The following PPA2 variants were observed in gnomAD, a reference collection of about 807,000 sequenced individuals.
The protein encoded by PPA2 is inorganic pyrophosphatase 2, mitochondrial.
In PPA2, 48 loss-of-function variants were observed where a neutral mutation model predicts 49.5. The observed-to-expected ratio is 0.97, with a 90% CI of 0.77 to 1.23. PPA2 has a LOEUF of 1.23. Ranked by LOEUF, PPA2 falls within the 50% of genes most tolerant of loss-of-function variation. The pLI is 0.00. For synonymous variants in PPA2, 131 were observed against 139.9 expected (o/e 0.94, Z 0.45); for missense variants, 429 against 410.1 (o/e 1.05, Z -0.40).
chr4:105,393,946 T>C lies in PPA2; in HGVS notation c.869+2303A>G, dbSNP rs568520232. On this transcript the variant is annotated intron_variant, in intron 9 of 11. Coordinates refer to ENST00000341695, the MANE Select transcript of PPA2 (RefSeq NM_176869.3). ...AAAATGAGTTAAAATTCTGAAGCTC[T>C]TGACTTTAAATTTTCTAGATGCATA... is the stretch of plus-strand genomic sequence containing the variant. Among the ~76,000 whole-genome samples, 3 of 152,326 alleles carry C rather than the reference T, an allele frequency of 2.0e-5. No homozygotes were observed. In the South Asian group the frequency reaches 6.2e-4, roughly 32 times the overall value.
chr4:105,467,931 T>C (rs1723373879), intron 1 of PPA2, among the ~76,000 whole-genome samples: 1 of 152,122 alleles, frequency 6.6e-6, no homozygotes, highest in Admixed American at 6.5e-5. Context: ...GATGTGTAAA[T>C]TCTGAGTTCA....
intron 4 of PPA2, among the ~76,000 whole-genome samples, chr4:105,447,468 C>T (rs76449734): frequency 0.03 from 4,551 of 152,224 alleles, 206 homozygotes; most frequent in African/African-American, 0.094. Flanking sequence ...TGAGACAACA[C>T]AACTTGATGA....
chr4:105,449,563 T>TA (rs1722581217), intron 3 of PPA2, among the ~76,000 whole-genome samples, 160 bp from the exon 4 acceptor site: 1 of 152,206 alleles, frequency 6.6e-6, no homozygotes, highest in Non-Finnish European at 1.5e-5. Context: ...TTCTAGAAAT[T>TA]AGAGTTGTCT....
chr4:105,425,723 TACACACACAC>T lies in PPA2; in HGVS notation c.529-1411_529-1402del, dbSNP rs59144523. On this transcript the variant is annotated intron_variant, in intron 6 of 11. Transcript: ENST00000341695. ...CAGATTGAGAAAGGACACATGCACA[TACACACACAC>T]ACACACACACACACACACACACACA... Among the ~76,000 whole-genome samples, 644 of 122,528 alleles carry T rather than the reference TACACACACAC, an allele frequency of 5.3e-3. 5 individuals carry two copies. The highest frequency in any genetic ancestry group is 7.3e-3 in the African/African-American group (233 of 31,974). The allele number at this position is 122,528 out of a possible 152,430, so 80.4% of individuals were successfully genotyped here.
At chr4:105,373,121 G>A (rs894500541) in intron 10 of PPA2, among the ~76,000 whole-genome samples, 1 of 140,968 alleles carries the variant, frequency 7.1e-6, no homozygotes, top group Non-Finnish European at 1.6e-5. Flanking sequence ...TAACAGGCAT[G>A]AGCACCGTGC....
intron 7 of PPA2, among the ~76,000 whole-genome samples, chr4:105,412,541 G>C (rs1397069551): frequency 6.6e-6 from 1 of 152,162 alleles, no homozygotes; most frequent in Non-Finnish European, 1.5e-5. Flanking sequence ...TTGTCGGAGT[G>C]AAGAGGCAAC....
chr4:105,412,028 T>C (rs564858546), intron 7 of PPA2, among the ~76,000 whole-genome samples: 1 of 152,308 alleles, frequency 6.6e-6, no homozygotes, highest in African/African-American at 2.4e-5. Context: ...AGGTAATTTA[T>C]AGATTCAGTG....
At chr4:105,451,303 T>C (rs1222717249) in intron 3 of PPA2, among the ~76,000 whole-genome samples, 2 of 152,208 alleles carry the variant, frequency 1.3e-5, no homozygotes, top group Non-Finnish European at 2.9e-5. Flanking sequence ...TAAATGTAGA[T>C]AGATATTGAG....
chr4:105,413,494 GA>G (rs1361245787), intron 7 of PPA2, among the ~76,000 whole-genome samples: 1 of 152,058 alleles, frequency 6.6e-6, no homozygotes, highest in Non-Finnish European at 1.5e-5. Flanking sequence ...AAAGGCATAA[GA>G]AACATCAAGT....
At chr4:105,468,507 T>C (rs1723399014) in intron 1 of PPA2, among the ~76,000 whole-genome samples, 1 of 152,150 alleles carries the variant, frequency 6.6e-6, no homozygotes, top group Non-Finnish European at 1.5e-5. Context: ...ACCATTAAGG[T>C]CGCAGCATGG....
intron 7 of PPA2, among the ~76,000 whole-genome samples, chr4:105,406,300 G>A (rs1046392721): frequency 5.9e-5 from 9 of 152,034 alleles, no homozygotes; most frequent in Admixed American, 1.3e-4. Context: ...GACTGGAAGC[G>A]TGTTAGTGAT....
At chr4:105,452,935 T>C (rs1415570243) in intron 3 of PPA2, among the ~76,000 whole-genome samples, 1 of 148,538 alleles carries the variant, frequency 6.7e-6, no homozygotes, top group Non-Finnish European at 1.5e-5. Context: ...ATTTAGAATA[T>C]ATTCATTTTA....
intron 8 of PPA2, chr4:105,398,797 C>T (rs1377516297): frequency 3.4e-6 from 1 of 297,356 alleles, no homozygotes; most frequent in South Asian, 9.3e-5. Context: ...CTTCATTTTC[C>T]AAGACGTAGG....
Position 105,399,136 on chromosome 4 carries a change from C to G in PPA2, c.684G>C (p.Pro228=), listed in dbSNP as rs762922588. Residue 228 remains proline (P), a synonymous_variant, in exon 8 of 12, where the codon CCG becomes CCC. Transcript: ENST00000341695. ...AATTAAGAGTAGCTTCCAGGTAACC[C>G]GGTTTGAACTTCTTAACATCATCAA... is the stretch of plus-strand genomic sequence containing the variant. ...HDIDDVKKFK[P]GYLEATLNWF... is the part of the protein sequence containing the mutation. 6.2e-7 allele frequency: 1 copy of G among 1,605,228 alleles called. No homozygotes were observed. The highest frequency in any genetic ancestry group is 2.2e-5 in the East Asian group (1 of 44,712).
chr4:105,396,236 G>A lies in PPA2; in HGVS notation c.869+13C>T. 1 of 1,507,470 alleles carries A rather than the reference G, an allele frequency of 6.6e-7. No individual in the cohort carries two copies. Among genetic ancestry groups the A allele is most frequent in the Non-Finnish European group, 9.0e-7 (1 of 1,105,892 alleles). 93.4% of individuals were successfully genotyped at this position (1,507,470 alleles called of 1,614,324 possible). On this transcript the variant is annotated intron_variant, in intron 9 of 11. Transcript: ENST00000341695. The stretch of plus-strand genomic sequence containing the variant: ...AATATAACATTACTTACATAGAAAA[G>A]ACAAATTCTTACCAATTTATAGCTC...
chr4:105,473,364 C>A (rs907202404), intron 1 of PPA2: 38 of 325,598 alleles, frequency 1.2e-4, no homozygotes, highest in Non-Finnish European at 4.8e-5. Context: ...GGGGAAAGAA[C>A]CTTCATCAGA....
chr4:105,445,164 A>C (rs1321223515), intron 5 of PPA2, among the ~76,000 whole-genome samples: 1 of 152,114 alleles, frequency 6.6e-6, no homozygotes, highest in African/African-American at 2.4e-5. Context: ...AAATACATGC[A>C]CCTTAGTTTA....
chr4:105,407,652 T>G (rs749073301), intron 7 of PPA2, among the ~76,000 whole-genome samples: 1 of 152,156 alleles, frequency 6.6e-6, no homozygotes, highest in Non-Finnish European at 1.5e-5. Flanking sequence ...CGTTCAATAA[T>G]AAATTAGGAA....
At chr4:105,435,879 C>T (rs1391948464) in intron 6 of PPA2, among the ~76,000 whole-genome samples, 1 of 152,024 alleles carries the variant, frequency 6.6e-6, no homozygotes, top group East Asian at 1.9e-4. Context: ...TGAAAGCATT[C>T]CCCCTAAGAA....
Sources: allele counts gnomAD v4.1 joint callset (sites outside exome capture counted in the v4.1 genomes callset), GRCh38; gene constraint gnomAD v4.1.1; transcripts MANE v1.5; gene names NCBI Gene and HGNC (gene_info 2026-07-23, HGNC 2026-07-21).